The following FNDC5 variants were observed in gnomAD, a reference collection of about 807,000 sequenced individuals.
The protein encoded by FNDC5 is fibronectin type III domain containing 5.
Under a neutral mutation model 24.6 loss-of-function variants are expected in FNDC5, and 10 were observed. The ratio of observed to expected loss-of-function variants is 0.41; its 90% CI spans 0.25 to 0.69. The LOEUF is 0.69. Among genes scored for constraint, FNDC5 ranks in the 30% least tolerant of loss-of-function variants. The probability of loss-of-function intolerance (pLI) is 0.34; values close to 1 mark genes in which losing one functional copy is unlikely to be tolerated. For synonymous variants in FNDC5, 90 were observed against 110.7 expected (o/e 0.81, Z 1.18); for missense variants, 226 against 282.9 (o/e 0.80, Z 1.44).
intron 4 of FNDC5, among the ~76,000 whole-genome samples, 175 bp from the exon 5 acceptor site, chr1:32,864,972 C>T (rs2148709547): frequency 6.6e-6 from 1 of 152,304 alleles, no homozygotes; most frequent in South Asian, 2.1e-4. Flanking sequence ...CCAACCACCC[C>T]TTCACTGCTG....
At position 32,863,681 on chromosome 1, in the gene FNDC5, T is replaced by C; in HGVS notation, c.*613A>G. On this transcript the variant is annotated 3_prime_UTR_variant, in exon 6 of 6. Transcript: ENST00000373471. ...GCAGTTGTCCCTCTCCCTGTGCCCG[T>C]GGGCCTGGGGACCAGCTGAGAAGAA... The C allele has an allele frequency of 7.7e-7, 1 of 1,301,566 alleles. No homozygotes were observed. Among genetic ancestry groups the C allele is most frequent in the South Asian group, 1.2e-5 (1 of 80,970 alleles). The allele number at this position is 1,301,566 out of a possible 1,614,324, so 80.6% of individuals were successfully genotyped here. A position where few individuals can be genotyped will look rare whatever the true frequency, so the allele number is the denominator to read the frequency against.
intron 4 of FNDC5, among the ~76,000 whole-genome samples, chr1:32,866,286 CT>C (rs1273696575): frequency 3.9e-5 from 6 of 152,154 alleles, no homozygotes. Flanking sequence ...TTCCAAGTGC[CT>C]GTTTTTCTGT....
rs1382680735 is a variant in FNDC5, at chr1:32,862,925, T to C, written c.*1369A>G. 1 of 152,678 alleles carries C rather than the reference T, an allele frequency of 6.5e-6. No homozygotes were observed. Among genetic ancestry groups the C allele is most frequent in the Non-Finnish European group, 1.5e-5 (1 of 68,140 alleles). 9.5% of individuals were successfully genotyped at this position (152,678 alleles called of 1,614,324 possible). A position where few individuals can be genotyped will look rare whatever the true frequency, so the allele number is the denominator to read the frequency against. ...AAGATATGAAGACCCCAGAGGCCAG[T>C]GGTGATAGCCAGAGCTGCTCTTCCT... On this transcript the variant is annotated 3_prime_UTR_variant, in exon 6 of 6. Transcript: ENST00000373471.
intron 4 of FNDC5, among the ~76,000 whole-genome samples, chr1:32,866,987 G>C (rs1416660017): frequency 6.6e-6 from 1 of 152,132 alleles, no homozygotes; most frequent in Non-Finnish European, 1.5e-5. Context: ...CTACTCAGGA[G>C]GCTAAGGCAT....
chr1:32,865,369 G>A (rs1179169128), intron 4 of FNDC5, among the ~76,000 whole-genome samples: 1 of 150,136 alleles, frequency 6.7e-6, no homozygotes, highest in Admixed American at 6.6e-5. Context: ...AAAGTGCTGG[G>A]ATTACAGGTA....
chr1:32,870,618 C>A (rs1641163382), intron 1 of FNDC5, 35 bp downstream of exon 1: 1 of 1,167,968 alleles, frequency 8.6e-7, no homozygotes, highest in East Asian at 3.4e-5. Flanking sequence ...GAGGAGCCTG[C>A]CCCGGCGCCG....
chr1:32,871,060 G>C (rs1641176654), upstream of FNDC5: 2 of 150,888 alleles, frequency 1.3e-5, no homozygotes, highest in African/African-American at 4.9e-5. Context: ...CCTCTGCCGG[G>C]GAGGAAGGGG....
intron 4 of FNDC5, 52 bp downstream of exon 4, chr1:32,867,701 C>T (rs1373089600): frequency 1.3e-6 from 2 of 1,564,228 alleles, no homozygotes; most frequent in African/African-American, 1.4e-5. Flanking sequence ...GGTCAGAGTC[C>T]TCCATTTCCC....
chr1:32,864,488 A>C, intron 5 of FNDC5, 176 bp downstream of exon 5: 18 of 1,480,436 alleles, frequency 1.2e-5, no homozygotes, highest in Non-Finnish European at 1.6e-5. Context: ...GGCACCCTGC[A>C]AAAGGAGAGG....
At chr1:32,866,101 C>T (rs545987382) in intron 4 of FNDC5, among the ~76,000 whole-genome samples, 2 of 152,156 alleles carry the variant, frequency 1.3e-5, no homozygotes, top group African/African-American at 2.4e-5. Context: ...GTAGATAAAG[C>T]ATAACAACTT....
Position 32,868,434 on chromosome 1 carries a change from C to T in FNDC5, c.211-46G>A. Reference sequence around the variant, plus strand: ...CTGCTGTCAACACTCGGTGACCAGCCCCGCTCCTGCCCACCTCCCAGTGGT... The same window carrying T: ...CTGCTGTCAACACTCGGTGACCAGCTCCGCTCCTGCCCACCTCCCAGTGGT... On this transcript the variant is annotated intron_variant, in intron 2 of 5. Coordinates refer to ENST00000373471, the MANE Select transcript of FNDC5 (RefSeq NM_153756.3). This position sits in a 1 kb window ranked among gnomAD's most constrained non-coding sequence, Gnocchi z 4.8. 6.4e-7 allele frequency: 1 copy of T among 1,574,198 alleles called. No homozygotes were observed. Among genetic ancestry groups the T allele is most frequent in the Non-Finnish European group, 8.7e-7 (1 of 1,155,776 alleles).
rs1190051859 is a variant in FNDC5, at chr1:32,868,404, G to C, written c.211-16C>G. ...CATCCTTCTTCTGCAGACAAGCGCCGGTCACTGCTGTCAACACTCGGTGAC... is the reference window on the plus strand; with the variant it reads ...CATCCTTCTTCTGCAGACAAGCGCCCGTCACTGCTGTCAACACTCGGTGAC... On this transcript the variant is annotated splice_polypyrimidine_tract_variant and intron_variant, in intron 2 of 5. Coordinates refer to ENST00000373471, the MANE Select transcript of FNDC5 (RefSeq NM_153756.3). This position sits in a 1 kb window ranked among gnomAD's most constrained non-coding sequence, Gnocchi z 4.8. 2 of 1,609,742 alleles carry C rather than the reference G, an allele frequency of 1.2e-6. No homozygotes were observed. Among genetic ancestry groups the C allele is most frequent in the Non-Finnish European group, 1.7e-6 (2 of 1,177,206 alleles).
At position 32,864,040 on chromosome 1, in the gene FNDC5, C is replaced by G; in HGVS notation, c.*254G>C. On this transcript the variant is annotated 3_prime_UTR_variant, in exon 6 of 6. Transcript: ENST00000373471. ...ATGGCCCCTGGCACCCAGTCTACCC[C>G]CAGCAGTCATCCCTCTGAGTGCAGC... 1 of 1,403,566 alleles carries G rather than the reference C, an allele frequency of 7.1e-7. No individual in the cohort carries two copies. Among genetic ancestry groups the G allele is most frequent in the East Asian group, 2.7e-5 (1 of 36,538 alleles). 86.9% of individuals were successfully genotyped at this position (1,403,566 alleles called of 1,614,324 possible). A position where few individuals can be genotyped will look rare whatever the true frequency, so the allele number is the denominator to read the frequency against.
At chr1:32,867,975 G>T in intron 3 of FNDC5, 133 bp from the exon 4 acceptor site, 1 of 1,029,062 alleles carries the variant, frequency 9.7e-7, no homozygotes, top group Non-Finnish European at 1.5e-6. Flanking sequence ...ATGCACTGAT[G>T]GCTACTTGGG....
At chr1:32,870,509 G>T in intron 1 of FNDC5, 144 bp downstream of exon 1, 1 of 361,382 alleles carries the variant, frequency 2.8e-6, no homozygotes, top group Non-Finnish European at 4.5e-6. Context: ...GAGGTAGGAA[G>T]ACGCTGGGGG....
rs1229560939 is a variant in FNDC5, at chr1:32,864,058, A to C, written c.*236T>G. The C allele has an allele frequency of 7.6e-6, 11 of 1,441,900 alleles. No homozygotes were observed. Among genetic ancestry groups the C allele is most frequent in the Non-Finnish European group, 1.0e-5 (11 of 1,096,568 alleles). The allele number at this position is 1,441,900 out of a possible 1,614,324, so 89.3% of individuals were successfully genotyped here. On this transcript the variant is annotated 3_prime_UTR_variant, in exon 6 of 6. Coordinates refer to ENST00000373471, the MANE Select transcript of FNDC5 (RefSeq NM_153756.3). ...TCTACCCCCAGCAGTCATCCCTCTGAGTGCAGCCTCAGCCACTGACATTGT... is the reference window on the plus strand; with the variant it reads ...TCTACCCCCAGCAGTCATCCCTCTGCGTGCAGCCTCAGCCACTGACATTGT...
intron 1 of FNDC5, among the ~76,000 whole-genome samples, chr1:32,869,559 G>C (rs1641138625): frequency 6.6e-6 from 1 of 152,216 alleles, no homozygotes; most frequent in Admixed American, 6.5e-5. Context: ...GCCTGCGGAA[G>C]AGTCTGTGTG....
At chr1:32,872,406 G>C (rs542023424), upstream of FNDC5, 2 of 152,742 alleles carry the variant, frequency 1.3e-5, no homozygotes, top group South Asian at 4.1e-4. Flanking sequence ...TGTCCTGGGA[G>C]AGCCTCAGCT....
chr1:32,871,479 A>G (rs1442421825), upstream of FNDC5, among the ~76,000 whole-genome samples: 1 of 151,958 alleles, frequency 6.6e-6, no homozygotes, highest in Non-Finnish European at 1.5e-5. Context: ...CTTTTCCTTC[A>G]TTTTCATCCC....
Sources: gnomAD v4.1 joint callset for allele counts (sites outside exome capture counted in the v4.1 genomes callset) on GRCh38, gnomAD v4.1.1 for gene constraint, Gnocchi (gnomAD v3.1) non-coding constraint, MANE v1.5 for transcripts, NCBI Gene and HGNC (gene_info 2026-07-23, HGNC 2026-07-21) for gene names.